THSD4: variants seen among roughly 807,000 people sequenced by gnomAD.
The protein encoded by THSD4 is thrombospondin type 1 domain containing 4.
THSD4 carries 69 observed loss-of-function variants against 119.0 expected under a neutral mutation model. The ratio of observed to expected loss-of-function variants is 0.58; its 90% CI spans 0.48 to 0.71. The LOEUF (loss-of-function observed/expected upper bound fraction) is 0.71, where lower values mean the gene tolerates loss of function less well. Among genes scored for constraint, THSD4 ranks in the 30% least tolerant of loss-of-function variants. The pLI is 0.00. For synonymous variants in THSD4, 524 were observed against 540.4 expected (o/e 0.97, Z 0.42); for missense variants, 1,393 against 1,391.1 (o/e 1.00, Z -0.02).
At chr15:71,381,348 T>C (rs2046225637) in intron 6 of THSD4, among the ~76,000 whole-genome samples, 1 of 152,206 alleles carries the variant, frequency 6.6e-6, no homozygotes, top group Non-Finnish European at 1.5e-5. Flanking sequence ...TTCATTCAAA[T>C]TGCATATCTT....
intron 7 of THSD4, among the ~76,000 whole-genome samples, chr15:71,490,223 G>A (rs570165766): frequency 2.0e-5 from 3 of 151,622 alleles, no homozygotes; most frequent in African/African-American, 7.3e-5. Flanking sequence ...TCAGGAGTTC[G>A]AGACCAGTCT....
chr15:71,227,558 C>T (rs2044028268), intron 4 of THSD4, among the ~76,000 whole-genome samples: 1 of 152,220 alleles, frequency 6.6e-6, no homozygotes. Context: ...TCATAGTAAT[C>T]ACAGCCATTT....
chr15:71,268,757 GAC>G (rs907597188), intron 6 of THSD4, among the ~76,000 whole-genome samples: 11 of 146,598 alleles, frequency 7.5e-5, no homozygotes, highest in African/African-American at 2.5e-4. Context: ...GAATCAAACA[GAC>G]ACAATAAAAA....
intron 7 of THSD4, among the ~76,000 whole-genome samples, chr15:71,618,393 C>T (rs76204014): frequency 1.3e-5 from 2 of 152,158 alleles, no homozygotes; most frequent in African/African-American, 4.8e-5. Context: ...TATGTGTCGA[C>T]GTGGATAGAT....
chr15:71,567,559 T>C (rs1567040797), intron 7 of THSD4, among the ~76,000 whole-genome samples: 1 of 151,132 alleles, frequency 6.6e-6, no homozygotes, highest in Non-Finnish European at 1.5e-5. Flanking sequence ...ATTACCTCTT[T>C]AGCACTTCCA....
chr15:71,219,155 T>C (rs1219249767), intron 4 of THSD4, among the ~76,000 whole-genome samples: 3 of 152,160 alleles, frequency 2.0e-5, no homozygotes, highest in Admixed American at 6.6e-5. Context: ...GGGGTCAAGA[T>C]CCAATGGAAC....
chr15:71,281,864 C>T (rs974117734), intron 6 of THSD4, among the ~76,000 whole-genome samples: 7 of 152,226 alleles, frequency 4.6e-5, no homozygotes, highest in African/African-American at 1.7e-4. Context: ...AAAAATGTTC[C>T]TATTTGTCGT....
chr15:71,327,177 C>T (rs1262609691), intron 6 of THSD4, among the ~76,000 whole-genome samples: 1 of 152,024 alleles, frequency 6.6e-6, no homozygotes, highest in Non-Finnish European at 1.5e-5. Flanking sequence ...AAAAACAAAA[C>T]AAAAAACCAG....
intron 7 of THSD4, among the ~76,000 whole-genome samples, chr15:71,436,792 TTG>T: frequency 6.6e-6 from 1 of 152,170 alleles, no homozygotes; most frequent in East Asian, 1.9e-4. Context: ...CATAAGGCAA[TTG>T]GAGATGAGGG....
chr15:71,679,234 C>G (rs1265894055), intron 8 of THSD4, among the ~76,000 whole-genome samples: 2 of 152,120 alleles, frequency 1.3e-5, no homozygotes, highest in Non-Finnish European at 2.9e-5. Context: ...GAGAAATTAA[C>G]TCTAATAGGA....
rs144175047 is a variant in THSD4 at position 71,206,579 on chromosome 15, G to A, written c.100-8456G>A. Among the ~76,000 whole-genome samples, 373 of 152,282 alleles carry A rather than the reference G, an allele frequency of 2.4e-3. 2 individuals carry two copies. The highest frequency in any genetic ancestry group is 8.2e-3 in the African/African-American group (340 of 41,556). On this transcript the variant is annotated intron_variant, in intron 3 of 17. Coordinates refer to ENST00000261862, the MANE Select transcript of THSD4 (RefSeq NM_024817.3). ...GAATTTCAGACTTTGCATGTGACTC[G>A]TTTTCTATGAAGAACAGATGGGAGG...
chr15:71,676,681 A>T (rs983864744), intron 8 of THSD4, among the ~76,000 whole-genome samples: 26 of 152,180 alleles, frequency 1.7e-4, no homozygotes, highest in Admixed American at 8.5e-4. Flanking sequence ...TGCCTCATGC[A>T]CTGACCTATT....
At chr15:71,432,351 A>T (rs1348257881) in intron 7 of THSD4, among the ~76,000 whole-genome samples, 1 of 152,258 alleles carries the variant, frequency 6.6e-6, no homozygotes, top group Non-Finnish European at 1.5e-5. Context: ...GATCAAAAGT[A>T]GAATCACAGG....
intron 6 of THSD4, among the ~76,000 whole-genome samples, chr15:71,330,499 T>A (rs2045407518): frequency 6.6e-6 from 1 of 152,182 alleles, no homozygotes; most frequent in Non-Finnish European, 1.5e-5. Context: ...TGGGAAGCCT[T>A]GGGGAAGTTG....
chr15:71,475,175 T>G (rs2047639219), intron 7 of THSD4, among the ~76,000 whole-genome samples: 2 of 152,226 alleles, frequency 1.3e-5, no homozygotes, highest in African/African-American at 4.8e-5. Flanking sequence ...CAGCCTCAGA[T>G]AGTCGTTAAG....
chr15:71,506,279 G>A (rs8038870), intron 7 of THSD4, among the ~76,000 whole-genome samples: 17,378 of 152,112 alleles, frequency 0.11, 1,272 homozygotes, highest in Non-Finnish European at 0.16. Flanking sequence ...TTTAGGTTGT[G>A]CACCATGATG....
intron 8 of THSD4, among the ~76,000 whole-genome samples, chr15:71,724,289 T>TATATATA (rs1567119984): frequency 7.5e-5 from 2 of 26,752 alleles, no homozygotes; most frequent in African/African-American, 1.3e-4. Context: ...ATATATATAT[T>TATATATA]TTTTTTTTCC....
intron 6 of THSD4, among the ~76,000 whole-genome samples, chr15:71,312,837 C>A (rs1240326761): frequency 6.6e-6 from 1 of 152,136 alleles, no homozygotes; most frequent in Non-Finnish European, 1.5e-5. Context: ...GCTTCCTCCT[C>A]ATTATTCAGG....
chr15:71,455,636 A>G (rs1369155091), intron 7 of THSD4, among the ~76,000 whole-genome samples: 1 of 152,172 alleles, frequency 6.6e-6, no homozygotes, highest in Non-Finnish European at 1.5e-5. Flanking sequence ...TCTCTGTAGC[A>G]TGACACCAGG....
Sources: allele counts gnomAD v4.1 joint callset (sites outside exome capture counted in the v4.1 genomes callset), GRCh38; gene constraint gnomAD v4.1.1; transcripts MANE v1.5; gene names NCBI Gene and HGNC (gene_info 2026-07-23, HGNC 2026-07-21).